The following SLC38A6 variants were observed in gnomAD, a reference collection of about 807,000 sequenced individuals.
The protein encoded by SLC38A6 is solute carrier family 38 member 6.
SLC38A6 carries 73 observed loss-of-function variants against 65.0 expected under a neutral mutation model. The ratio of observed to expected loss-of-function variants is 1.12; its 90% CI spans 0.93 to 1.37. The LOEUF (loss-of-function observed/expected upper bound fraction) is 1.37, where lower values mean the gene tolerates loss of function less well. Among genes scored for constraint, SLC38A6 ranks in the 40% most tolerant of loss-of-function variants. The pLI is 0.00. For synonymous variants in SLC38A6, 183 were observed against 178.8 expected (o/e 1.02, Z -0.19); for missense variants, 561 against 531.1 (o/e 1.06, Z -0.55).
intron 3 of SLC38A6, among the ~76,000 whole-genome samples, chr14:61,011,927 T>C (rs1019685660): frequency 5.3e-5 from 8 of 152,344 alleles, no homozygotes; most frequent in East Asian, 1.9e-4. Context: ...TCCCTCTTTT[T>C]CTATTGATTG....
In SLC38A6 at chr14:61,010,458, A is replaced by G. The variant is rs573766150; in HGVS notation, c.311-5446A>G. 1.2e-3 allele frequency among the ~76,000 whole-genome samples: 182 copies of G among 152,352 alleles called. 1 individual carries two copies. The highest frequency in any genetic ancestry group is 4.2e-3 in the African/African-American group (174 of 41,580). On this transcript the variant is annotated intron_variant, in intron 3 of 15. Coordinates refer to ENST00000267488, the MANE Select transcript of SLC38A6 (RefSeq NM_153811.3). ...TTAGACACGAAGTCCTTAACAGCCC[A>G]TGCCTATGTCCTGAATGGTATTGCC...
chr14:61,069,614 C>G (rs1283957135), intron 15 of SLC38A6, among the ~76,000 whole-genome samples: 1 of 152,122 alleles, frequency 6.6e-6, no homozygotes, highest in Non-Finnish European at 1.5e-5. Context: ...CTTCAACACC[C>G]AGCTCAAATC....
chr14:61,014,422 G>T (rs1456257386), intron 3 of SLC38A6, among the ~76,000 whole-genome samples: 1 of 152,100 alleles, frequency 6.6e-6, no homozygotes, highest in African/African-American at 2.4e-5. Flanking sequence ...TTCCATTGAT[G>T]GTGAGGAGCT....
At chr14:61,053,573 G>A (rs1315808478), downstream of SLC38A6, among the ~76,000 whole-genome samples, 1 of 151,994 alleles carries the variant, frequency 6.6e-6, no homozygotes, top group African/African-American at 2.4e-5. Context: ...TTTATTAATA[G>A]CCATTCTGAC....
At chr14:61,020,310 A>T (rs2040278247) in intron 5 of SLC38A6, among the ~76,000 whole-genome samples, 1 of 152,096 alleles carries the variant, frequency 6.6e-6, no homozygotes, top group Non-Finnish European at 1.5e-5. Context: ...AATGCTCTTA[A>T]AGGAAAATAC....
At chr14:61,043,340 AAATACTT>A in intron 9 of SLC38A6, 103 bp from the exon 10 acceptor site, 1 of 1,094,348 alleles carries the variant, frequency 9.1e-7, no homozygotes, top group Non-Finnish European at 1.3e-6. Flanking sequence ...CTTTGTTTTG[AAATACTT>A]TCATTTGAAA....
chr14:61,081,975 C>G (rs2043670000), intron 16 of SLC38A6, among the ~76,000 whole-genome samples: 1 of 152,116 alleles, frequency 6.6e-6, no homozygotes, highest in African/African-American at 2.4e-5. Context: ...GGCTGTGCCT[C>G]AGGAAGATGC....
chr14:61,045,496 G>T (rs1001190774), intron 11 of SLC38A6, 71 bp downstream of exon 11: 35 of 1,138,638 alleles, frequency 3.1e-5, no homozygotes, highest in Non-Finnish European at 4.3e-5. Context: ...CGGATTGAAT[G>T]ACATCCTCTT....
intron 4 of SLC38A6, among the ~76,000 whole-genome samples, chr14:61,018,454 A>C (rs1013307397): frequency 6.6e-6 from 1 of 152,148 alleles, no homozygotes; most frequent in Admixed American, 6.5e-5. Flanking sequence ...CTAGGTCCTA[A>C]TAACTTAGAT....
chr14:61,052,544 A>T lies in SLC38A6; in HGVS notation c.*115A>T. ...ATTTTAATAAAAATTATTAACAGAAAAGCAGAACAAAATGGCAGTGGGTAT... is the reference window on the plus strand; with the variant it reads ...ATTTTAATAAAAATTATTAACAGAATAGCAGAACAAAATGGCAGTGGGTAT... On this transcript the variant is annotated 3_prime_UTR_variant, in exon 16 of 16. Coordinates refer to ENST00000267488, the MANE Select transcript of SLC38A6 (RefSeq NM_153811.3). The T allele has an allele frequency of 7.2e-7, 1 of 1,391,436 alleles. No individual in the cohort carries two copies. Among genetic ancestry groups the T allele is most frequent in the Non-Finnish European group, 9.3e-7 (1 of 1,075,634 alleles). The allele number at this position is 1,391,436 out of a possible 1,614,324, so 86.2% of individuals were successfully genotyped here. A position where few individuals can be genotyped will look rare whatever the true frequency, so the allele number is the denominator to read the frequency against.
rs117510597 is a variant in SLC38A6 at position 60,999,144 on chromosome 14, T to A, written c.310+14341T>A. 1.1e-3 allele frequency among the ~76,000 whole-genome samples: 168 copies of A among 152,324 alleles called. No homozygotes were observed. In the East Asian group the frequency reaches 0.023, roughly 21 times the overall value. On this transcript the variant is annotated intron_variant, in intron 3 of 15. Coordinates refer to ENST00000267488, the MANE Select transcript of SLC38A6 (RefSeq NM_153811.3). ...TCTCAGATCCCAAGGAATTTGTAGT[T>A]TTTGCTGAAGCAGTGAGAAGCCACT...
chr14:61,029,358 T>C (rs2040806488), intron 5 of SLC38A6, among the ~76,000 whole-genome samples: 1 of 152,104 alleles, frequency 6.6e-6, no homozygotes, highest in African/African-American at 2.4e-5. Context: ...GATTTCACCA[T>C]GTTGGCCAGG....
rs140978492 is a variant in SLC38A6 at position 60,984,078 on chromosome 14, A to T, written c.237-652A>T. ...TTGTCCTGCTGGTGTCTTCCTAAAA[A>T]TGAATAGGAAATTATCTAAGTTTTT... On this transcript the variant is annotated intron_variant, in intron 2 of 15. Transcript: ENST00000267488. Among the ~76,000 whole-genome samples, 490 of 152,324 alleles carry T rather than the reference A, an allele frequency of 3.2e-3. 3 individuals are homozygous for T. Among genetic ancestry groups the T allele is most frequent in the Middle Eastern group, 0.01 (3 of 294 alleles).
intron 13 of SLC38A6, 44 bp downstream of exon 13, chr14:61,050,680 CTAA>C (rs2042457536): frequency 1.4e-6 from 2 of 1,414,340 alleles, no homozygotes; most frequent in Non-Finnish European, 1.9e-6. Flanking sequence ...TAGACGCTTC[CTAA>C]TAGGGAAACA....
chr14:61,036,321 T>C (rs1053303368), intron 6 of SLC38A6, among the ~76,000 whole-genome samples: 1 of 152,088 alleles, frequency 6.6e-6, no homozygotes, highest in Admixed American at 6.6e-5. Flanking sequence ...CATCTTTTTA[T>C]AAAAGTCTTT....
intron 8 of SLC38A6, among the ~76,000 whole-genome samples, chr14:61,038,596 A>G (rs912362570): frequency 3.3e-5 from 5 of 152,184 alleles, no homozygotes; most frequent in African/African-American, 1.2e-4. Flanking sequence ...TAGTTAAGCC[A>G]TATTAAAGAT....
rs114003319 is a variant in SLC38A6 at position 61,080,321 on chromosome 14, G to A, written c.1408+1394G>A. On this transcript the variant is annotated intron_variant, in intron 16 of 16. Coordinates refer to the SLC38A6 transcript ENST00000354886. Reference sequence around the variant, plus strand: ...CTGGCGTGTTATGTGACCTATTGTGGGGAGAGGCTCAGCTGAGGGACTCTG... The same window carrying A: ...CTGGCGTGTTATGTGACCTATTGTGAGGAGAGGCTCAGCTGAGGGACTCTG... 4.0e-4 allele frequency among the ~76,000 whole-genome samples: 61 copies of A among 152,204 alleles called. 2 individuals are homozygous for A. The highest frequency in any genetic ancestry group is 1.3e-3 in the African/African-American group (55 of 41,526).
chr14:60,982,762 C>T (rs1205443468), intron 2 of SLC38A6, 124 bp downstream of exon 2: 6 of 1,136,004 alleles, frequency 5.3e-6, no homozygotes, highest in Non-Finnish European at 7.3e-6. Flanking sequence ...GGGGTTTTAG[C>T]ATTTTTCTTG....
intron 16 of SLC38A6, among the ~76,000 whole-genome samples, chr14:61,082,755 G>A (rs766029099): frequency 6.6e-6 from 1 of 152,140 alleles, no homozygotes. Flanking sequence ...TGACTGCAGG[G>A]ATCATGCCTC....
Sources: allele counts gnomAD v4.1 joint callset (sites outside exome capture counted in the v4.1 genomes callset), GRCh38; gene constraint gnomAD v4.1.1; transcripts MANE v1.5; gene names NCBI Gene and HGNC (gene_info 2026-07-23, HGNC 2026-07-21).